FAM219B: variants seen among roughly 807,000 people sequenced by gnomAD.
FAM219B encodes the protein protein FAM219B.
FAM219B carries 18 observed loss-of-function variants against 19.9 expected under a neutral mutation model. That is an observed-to-expected ratio of 0.91 (90% CI 0.63 to 1.34). FAM219B has a LOEUF of 1.34. Ranked by LOEUF, FAM219B falls within the 40% of genes most tolerant of loss-of-function variation. The probability of loss-of-function intolerance (pLI) is 0.00; values close to 1 mark genes in which losing one functional copy is unlikely to be tolerated. For synonymous variants in FAM219B, 123 were observed against 117.5 expected (o/e 1.05, Z -0.30); for missense variants, 283 against 270.5 (o/e 1.05, Z -0.32).
In FAM219B at chr15:74,900,044, CAA is replaced by C. The variant is rs932369813; in HGVS notation, c.*2573_*2574del. ...TGTACAGAGCTGTAGAAGTGCAAGC[CAA>C]GAGTTCTATAGAGTAGTACATAAAC... is the stretch of plus-strand genomic sequence containing the variant. On this transcript the variant is annotated 3_prime_UTR_variant, in exon 5 of 5. Transcript: ENST00000357635. The C allele has an allele frequency of 9.8e-5, 15 of 152,298 alleles. No homozygotes were observed. Among genetic ancestry groups the C allele is most frequent in the African/African-American group, 3.6e-4 (15 of 41,568 alleles). The allele number at this position is 152,298 out of a possible 1,614,324, so 9.4% of individuals were successfully genotyped here.
chr15:74,906,247 C>G (rs1380407422), intron 2 of FAM219B, 31 bp downstream of exon 2: 1 of 1,608,372 alleles, frequency 6.2e-7, no homozygotes, highest in Non-Finnish European at 8.5e-7. Flanking sequence ...TCTAAAGCTG[C>G]TGGCACAGAG....
In FAM219B at chr15:74,905,193, T is replaced by A; in HGVS notation, c.341A>T (p.Gln114Leu). ...KFNKGYTALS[Q>L]SPDENLVSLD... is the part of the protein sequence containing the mutation. Reference sequence around the variant, plus strand: ...GGACACCAGGTTTTCATCTGGACTCTGGCTAAGAGCAGTATAGCCCTTGTT... The same window carrying A: ...GGACACCAGGTTTTCATCTGGACTCAGGCTAAGAGCAGTATAGCCCTTGTT... The change falls in exon 3 of 5, where the codon CAG becomes CTG. Residue 114 changes from glutamine (Q) to leucine (L), a missense_variant. Physicochemically the swap from Gln to Leu is moderately radical, Grantham distance 113. Transcript: ENST00000357635. 1 of 1,614,100 alleles carries A rather than the reference T, an allele frequency of 6.2e-7. No homozygotes were observed. The highest frequency in any genetic ancestry group is 8.5e-7 in the Non-Finnish European group (1 of 1,179,970).
intron 2 of FAM219B, chr15:74,905,476 T>C (rs2065149056): frequency 5.0e-6 from 2 of 397,252 alleles, no homozygotes; most frequent in East Asian, 1.1e-4. Flanking sequence ...CAGGCTGCAG[T>C]GCAGTGGCGC....
chr15:74,904,788 G>C (rs2065117901), intron 3 of FAM219B, 76 bp from the exon 4 acceptor site: 8 of 1,583,730 alleles, frequency 5.1e-6, no homozygotes, highest in Non-Finnish European at 6.1e-6. Flanking sequence ...CGGAGAGCAT[G>C]CAAGGGCATC....
chr15:74,903,183 C>T (rs2065035080), intron 4 of FAM219B, among the ~76,000 whole-genome samples: 1 of 152,084 alleles, frequency 6.6e-6, no homozygotes, highest in Non-Finnish European at 1.5e-5. Flanking sequence ...GCATGGGTTA[C>T]AGTGGAAGGG....
At chr15:74,903,600 CAAAAAAA>C (rs60354993) in intron 4 of FAM219B, among the ~76,000 whole-genome samples, 45 of 46,130 alleles carry the variant, frequency 9.8e-4, no homozygotes, top group Middle Eastern at 0.012. Context: ...GACTCTGTCT[CAAAAAAA>C]AAAAAAAAAA....
rs750908166 is a variant in FAM219B at position 74,906,273 on chromosome 15, G to A, written c.302+5C>T. On this transcript the variant is annotated splice_donor_5th_base_variant and intron_variant, in intron 2 of 4. Coordinates refer to ENST00000357635, the MANE Select transcript of FAM219B (RefSeq NM_020447.5). ...TGGCACAGAGGAGGTGGCGCCTGCT[G>A]AGACCTTTTCCCTGAAGAGTCTGGG... 2.4e-5 allele frequency: 39 copies of A among 1,612,948 alleles called. No individual in the cohort carries two copies. Among genetic ancestry groups the A allele is most frequent in the Non-Finnish European group, 3.3e-5 (39 of 1,179,792 alleles).
rs200224024 is a variant in FAM219B, at chr15:74,902,836, A to C, written c.430-50T>G. ...ATAGGCCAAGATGCAAAGCAGAAGT[A>C]ACTGCTACCCAAAAGACAGAACCAC... On this transcript the variant is annotated intron_variant, in intron 4 of 4. Coordinates refer to ENST00000357635, the MANE Select transcript of FAM219B (RefSeq NM_020447.5). 7.0e-6 allele frequency: 11 copies of C among 1,561,228 alleles called. No individual in the cohort carries two copies. In the East Asian group the frequency reaches 2.5e-4, roughly 35 times the overall value.
At chr15:74,899,728 A>G (rs2064879324), downstream of FAM219B, 1 of 152,152 alleles carries the variant, frequency 6.6e-6, no homozygotes, top group Non-Finnish European at 1.5e-5. Context: ...GGTTCAAGCG[A>G]TTCTTCTGCC....
At chr15:74,905,129 G>T (rs767650235) in intron 3 of FAM219B, 25 bp downstream of exon 3, 2 of 1,613,630 alleles carry the variant, frequency 1.2e-6, no homozygotes, top group South Asian at 2.2e-5. Flanking sequence ...CTTCCCAAGG[G>T]GGTATTTCCA....
intron 4 of FAM219B, 54 bp downstream of exon 4, chr15:74,904,610 G>C (rs906172533): frequency 3.8e-6 from 6 of 1,596,822 alleles, no homozygotes; most frequent in Non-Finnish European, 5.2e-6. Context: ...ATTTGGCAGT[G>C]GTGGTAATGC....
chr15:74,905,248 G>A lies in FAM219B; in HGVS notation c.303-17C>T. The stretch of plus-strand genomic sequence containing the variant: ...TTCACTGACCTGAGGGGAGACGGGG[G>A]AGAAGAGACCAAACATAGATGAAAG... On this transcript the variant is annotated splice_polypyrimidine_tract_variant and intron_variant, in intron 2 of 4. Coordinates refer to ENST00000357635, the MANE Select transcript of FAM219B (RefSeq NM_020447.5). The A allele has an allele frequency of 1.2e-6, 2 of 1,612,438 alleles. No homozygotes were observed. Among genetic ancestry groups the A allele is most frequent in the Non-Finnish European group, 1.7e-6 (2 of 1,178,672 alleles).
chr15:74,900,546 GTCTT>G lies in FAM219B; in HGVS notation c.*2069_*2072del, dbSNP rs2064912262. On this transcript the variant is annotated 3_prime_UTR_variant, in exon 5 of 5. Coordinates refer to ENST00000357635, the MANE Select transcript of FAM219B (RefSeq NM_020447.5). ...ACTGGGTCCCTCTACCTGTGTTGCT[GTCTT>G]TCTTTACACTGTGCTACATTTGATC... 2 of 152,392 alleles carry G rather than the reference GTCTT, an allele frequency of 1.3e-5. No homozygotes were observed. Among genetic ancestry groups the G allele is most frequent in the East Asian group, 1.9e-4 (1 of 5,192 alleles). 9.4% of individuals were successfully genotyped at this position (152,392 alleles called of 1,614,324 possible).
rs984747727 is a variant in FAM219B, at chr15:74,901,109, C to T, written c.*1510G>A. ...AGACTGGATACTTTCCCATGTAGAA[C>T]CTATACCCCAATCCCGACTATTGGG... is the stretch of plus-strand genomic sequence containing the variant. On this transcript the variant is annotated 3_prime_UTR_variant, in exon 5 of 5. Transcript: ENST00000357635. 5.3e-5 allele frequency: 8 copies of T among 152,158 alleles called. No individual in the cohort carries two copies. Among genetic ancestry groups the T allele is most frequent in the Non-Finnish European group, 2.9e-5 (2 of 68,060 alleles). 9.4% of individuals were successfully genotyped at this position (152,158 alleles called of 1,614,324 possible).
rs574752749 is a variant in FAM219B, at chr15:74,902,104, G to A, written c.*515C>T. 1.4e-4 allele frequency: 55 copies of A among 398,650 alleles called. 1 individual carries two copies. In the South Asian group the frequency reaches 6.0e-3, roughly 43 times the overall value. 24.7% of individuals were successfully genotyped at this position (398,650 alleles called of 1,614,324 possible). ...AGGACTCACTTTATGCTGTCTTGAAGGTCAAGCCTGCAAACCATCTTAGAG... is the reference window on the plus strand; with the variant it reads ...AGGACTCACTTTATGCTGTCTTGAAAGTCAAGCCTGCAAACCATCTTAGAG... On this transcript the variant is annotated 3_prime_UTR_variant, in exon 5 of 5. Transcript: ENST00000357635.
At position 74,906,079 on chromosome 15, in the gene FAM219B, G is replaced by A. The variant is rs745880861; in HGVS notation, c.302+199C>T. 5.5e-5 allele frequency: 33 copies of A among 597,852 alleles called. 2 individuals are homozygous for A. The South Asian group carries it at 6.6e-4, about 12-fold the overall frequency. 37.0% of individuals were successfully genotyped at this position (597,852 alleles called of 1,614,324 possible). A position where few individuals can be genotyped will look rare whatever the true frequency, so the allele number is the denominator to read the frequency against. On this transcript the variant is annotated intron_variant, in intron 2 of 4. Transcript: ENST00000357635. ...TGCACTCACAGAACTCCCTTATTCC[G>A]AAGCCCTTTATCTGATCCTATCACA...
downstream of FAM219B, chr15:74,898,005 C>T (rs533307931): frequency 1.3e-4 from 69 of 512,172 alleles, no homozygotes; most frequent in African/African-American, 1.1e-3. Flanking sequence ...CTCTTGCCAA[C>T]TCTGTTCCAG....
At chr15:74,898,029 G>A (rs551471605), downstream of FAM219B, 7 of 461,650 alleles carry the variant, frequency 1.5e-5, no homozygotes, top group African/African-American at 1.4e-4. Context: ...ATGGCTTTAG[G>A]CTAGCTGTTA....
chr15:74,898,113 C>T (rs773224763), downstream of FAM219B: 4 of 361,906 alleles, frequency 1.1e-5, no homozygotes, highest in South Asian at 4.4e-5. Context: ...AGGGTTCTAG[C>T]GATGGGACTG....
Sources: gnomAD v4.1 joint callset for allele counts (sites outside exome capture counted in the v4.1 genomes callset) on GRCh38, gnomAD v4.1.1 for gene constraint, MANE v1.5 for transcripts, NCBI Gene and HGNC (gene_info 2026-07-23, HGNC 2026-07-21) for gene names.